Variants in PPP2R5A observed in about 807,000 individuals in gnomAD.
The protein encoded by PPP2R5A is serine/threonine-protein phosphatase 2A 56 kDa regulatory subunit alpha isoform.
A neutral mutation model predicts 64.2 loss-of-function variants in PPP2R5A; 25 were observed. The observed-to-expected ratio is 0.39, with a 90% CI of 0.28 to 0.54. PPP2R5A has a LOEUF of 0.54. Ranked by LOEUF, PPP2R5A falls within the 20% of genes least tolerant of loss-of-function variation. PPP2R5A has a pLI of 0.67. For missense variants in PPP2R5A, 425 were observed against 576.3 expected, an observed-to-expected ratio of 0.74 and a Z score of 2.69; for synonymous variants, 198 against 201.2, an observed-to-expected ratio of 0.98 and a Z score of 0.13.
chr1:212,322,568 G>GA (rs1427324071), intron 1 of PPP2R5A, among the ~76,000 whole-genome samples: 3 of 151,916 alleles, frequency 2.0e-5, no homozygotes, highest in African/African-American at 7.3e-5. Flanking sequence ...TGCATGTCTT[G>GA]AACCTACAAG....
chr1:212,317,381 C>G (rs902238679), intron 1 of PPP2R5A, among the ~76,000 whole-genome samples: 3 of 7,644 alleles, frequency 3.9e-4, no homozygotes, highest in Non-Finnish European at 7.7e-4. Context: ...ATTTCAAAAA[C>G]AGTATTCTCA....
chr1:212,313,596 G>A (rs1659080267), intron 1 of PPP2R5A, among the ~76,000 whole-genome samples: 1 of 151,412 alleles, frequency 6.6e-6, no homozygotes, highest in African/African-American at 2.4e-5. Flanking sequence ...ATTTTTGTGT[G>A]TGAAGGAAGG....
intron 1 of PPP2R5A, among the ~76,000 whole-genome samples, chr1:212,294,733 TTGCAATTAATG>T (rs1658662448): frequency 6.6e-6 from 1 of 152,190 alleles, no homozygotes; most frequent in South Asian, 2.1e-4. Flanking sequence ...AAGCAGGCAG[TTGCAATTAATG>T]TGTTCAGTGT....
At chr1:212,321,534 T>TCTC (rs1284869550) in intron 1 of PPP2R5A, among the ~76,000 whole-genome samples, 2 of 121,352 alleles carry the variant, frequency 1.6e-5, no homozygotes, top group Non-Finnish European at 3.4e-5. Context: ...AGGCAGAGGG[T>TCTC]CTCCTCACTT....
At chr1:212,329,857 G>A (rs1017085057) in intron 2 of PPP2R5A, among the ~76,000 whole-genome samples, 1 of 152,100 alleles carries the variant, frequency 6.6e-6, no homozygotes, top group Non-Finnish European at 1.5e-5. Flanking sequence ...TCTTGGCCAG[G>A]CTGGTCTTGA....
At chr1:212,323,295 C>A (rs1571593697) in intron 1 of PPP2R5A, among the ~76,000 whole-genome samples, 3 of 152,320 alleles carry the variant, frequency 2.0e-5, no homozygotes, top group Admixed American at 2.0e-4. Flanking sequence ...GACAGGAAAT[C>A]ATCTCTCAGA....
intron 8 of PPP2R5A, among the ~76,000 whole-genome samples, chr1:212,352,168 C>T (rs914137036): frequency 5.3e-5 from 8 of 151,682 alleles, no homozygotes; most frequent in Non-Finnish European, 1.0e-4. Flanking sequence ...AGATAACAGG[C>T]GCCCGATACC....
chr1:212,320,152 C>T (rs4951587), intron 1 of PPP2R5A, among the ~76,000 whole-genome samples: 45,007 of 151,078 alleles, frequency 0.3, 7,283 homozygotes, highest in Non-Finnish European at 0.37. Flanking sequence ...TGACTCTTAA[C>T]GAGCATGCTG....
In PPP2R5A at chr1:212,286,077, G is replaced by T; in HGVS notation, c.-34G>T. ...CGCCGCTGCCCGTGCCTTGCAAGCAGCAGCCGGAGCTGCCAAGCGTCAGGG... is the reference window on the plus strand; with the variant it reads ...CGCCGCTGCCCGTGCCTTGCAAGCATCAGCCGGAGCTGCCAAGCGTCAGGG... On this transcript the variant is annotated 5_prime_UTR_variant, in exon 1 of 13. Coordinates refer to ENST00000261461, the MANE Select transcript of PPP2R5A (RefSeq NM_006243.4). 1 of 1,508,180 alleles carries T rather than the reference G, an allele frequency of 6.6e-7. No individual in the cohort carries two copies. Among genetic ancestry groups the T allele is most frequent in the Non-Finnish European group, 8.8e-7 (1 of 1,132,046 alleles). 93.4% of individuals were successfully genotyped at this position (1,508,180 alleles called of 1,614,324 possible). A position where few individuals can be genotyped will look rare whatever the true frequency, so the allele number is the denominator to read the frequency against.
intron 3 of PPP2R5A, 33 bp downstream of exon 3, chr1:212,333,631 A>G: frequency 8.0e-7 from 1 of 1,247,662 alleles, no homozygotes; most frequent in South Asian, 1.5e-5. Context: ...GGCAGTTTTT[A>G]TATTTATGCT....
At chr1:212,288,983 A>G (rs1658554072) in intron 1 of PPP2R5A, among the ~76,000 whole-genome samples, 1 of 152,244 alleles carries the variant, frequency 6.6e-6, no homozygotes, top group East Asian at 1.9e-4. Context: ...TATTTGTGCA[A>G]AATAATTTAG....
chr1:212,323,669 A>G (rs1180575335), intron 1 of PPP2R5A, among the ~76,000 whole-genome samples: 1 of 152,236 alleles, frequency 6.6e-6, no homozygotes, highest in Non-Finnish European at 1.5e-5. Flanking sequence ...ATTTAAATGC[A>G]TCTTTTAGGC....
intron 1 of PPP2R5A, chr1:212,302,159 A>G (rs1468288229): frequency 1.4e-6 from 2 of 1,386,702 alleles, no homozygotes; most frequent in African/African-American, 1.4e-5. Context: ...ATGAATAGAG[A>G]CTAGATTTTC....
At chr1:212,295,413 G>A (rs1168683567) in intron 1 of PPP2R5A, among the ~76,000 whole-genome samples, 1 of 152,214 alleles carries the variant, frequency 6.6e-6, no homozygotes, top group Non-Finnish European at 1.5e-5. Flanking sequence ...AAGTGTCCAT[G>A]GGAAATTGAA....
At chr1:212,338,736 G>A (rs1006459532) in intron 3 of PPP2R5A, among the ~76,000 whole-genome samples, 11 of 151,140 alleles carry the variant, frequency 7.3e-5, no homozygotes, top group African/African-American at 2.4e-4. Flanking sequence ...GCAGTGAGCC[G>A]ACATTGCGCC....
intron 1 of PPP2R5A, chr1:212,302,014 C>A: frequency 6.7e-7 from 1 of 1,499,668 alleles, no homozygotes; most frequent in Non-Finnish European, 8.9e-7. Context: ...CTTGAAATAA[C>A]TTGGTTATCA....
intron 2 of PPP2R5A, among the ~76,000 whole-genome samples, chr1:212,332,098 G>A (rs1056817581): frequency 2.6e-5 from 4 of 152,090 alleles, no homozygotes; most frequent in African/African-American, 7.2e-5. Context: ...AAATTGTATC[G>A]ATGGCTTGCT....
intron 4 of PPP2R5A, among the ~76,000 whole-genome samples, chr1:212,344,201 T>C (rs1394972233): frequency 6.6e-6 from 1 of 152,222 alleles, no homozygotes; most frequent in Non-Finnish European, 1.5e-5. Flanking sequence ...ATCAAATCCC[T>C]GACCTCAAGT....
chr1:212,289,223 ATTG>A (rs1411267717), intron 1 of PPP2R5A, among the ~76,000 whole-genome samples: 1 of 152,206 alleles, frequency 6.6e-6, no homozygotes, highest in Non-Finnish European at 1.5e-5. Context: ...ATAAAACAGT[ATTG>A]TTCATACCAA....
Sources: allele counts gnomAD v4.1 joint callset (sites outside exome capture counted in the v4.1 genomes callset), GRCh38; gene constraint gnomAD v4.1.1; transcripts MANE v1.5; gene names NCBI Gene and HGNC (gene_info 2026-07-23, HGNC 2026-07-21).